Variants in CUL9 observed in about 807,000 individuals in gnomAD.
CUL9 encodes the protein cullin 9, also known as cullin-9.
Under a neutral mutation model 272.6 loss-of-function variants are expected in CUL9, and 79 were observed. The observed-to-expected ratio is 0.29, with a 90% CI of 0.24 to 0.35. The LOEUF (loss-of-function observed/expected upper bound fraction) is 0.35. Ranked by LOEUF, CUL9 falls within the 10% of genes least tolerant of loss-of-function variation. CUL9 has a pLI of 1.00. For missense variants in CUL9, 2,532 were observed against 3,255.6 expected (o/e 0.78, Z 5.41); for synonymous variants, 1,186 against 1,286.5 (o/e 0.92, Z 1.67).
At position 43,200,288 on chromosome 6, in the gene CUL9, C is replaced by A; in HGVS notation, c.3384+132C>A. On this transcript the variant is annotated intron_variant, in intron 14 of 40. Transcript: ENST00000252050. The surrounding 1 kb of genome is among the most constrained non-coding windows in gnomAD (Gnocchi z 4.0). ...AAATCTGGGGCACTTGTTTCCTAACCTTGACTCCACATGGTTCTGTCAAAA... is the reference window on the plus strand; with the variant it reads ...AAATCTGGGGCACTTGTTTCCTAACATTGACTCCACATGGTTCTGTCAAAA... 1.4e-6 allele frequency: 2 copies of A among 1,478,898 alleles called. No homozygotes were observed. The highest frequency in any genetic ancestry group is 1.2e-5 in the South Asian group (1 of 81,594). The allele number at this position is 1,478,898 out of a possible 1,614,324, so 91.6% of individuals were successfully genotyped here. A position where few individuals can be genotyped will look rare whatever the true frequency, so the allele number is the denominator to read the frequency against.
chr6:43,188,115 A>T lies in CUL9; in HGVS notation c.1984A>T (p.Ser662Cys), dbSNP rs755371620. The change falls in exon 7 of 41, where the codon AGT (serine) becomes TGT (cysteine). Residue 662 changes from serine (S) to cysteine (C), a missense_variant. Transcript: ENST00000252050. ...TLPTEMKEAA[S>C]EMARALRGPG... is the part of the protein sequence containing the mutation. ...GCCCACTGAGATGAAGGAGGCAGCCAGTGGTGAGTCAGGTTCTGGGAGGAA... is the reference window on the plus strand; with the variant it reads ...GCCCACTGAGATGAAGGAGGCAGCCTGTGGTGAGTCAGGTTCTGGGAGGAA... 1 of 1,613,610 alleles carries T rather than the reference A, an allele frequency of 6.2e-7. No individual in the cohort carries two copies. Among genetic ancestry groups the T allele is most frequent in the African/African-American group, 1.3e-5 (1 of 74,918 alleles).
In CUL9 at chr6:43,206,617, A is replaced by C. The variant is rs1052002783; in HGVS notation, c.5212+107A>C. ...GGATATAGATGTGAAGAAAAATATCAGCTCCTAGCGAGGGATGAGAAAGCA... is the reference window on the plus strand; with the variant it reads ...GGATATAGATGTGAAGAAAAATATCCGCTCCTAGCGAGGGATGAGAAAGCA... On this transcript the variant is annotated intron_variant, in intron 26 of 40. Coordinates refer to ENST00000252050, the MANE Select transcript of CUL9 (RefSeq NM_015089.4). The surrounding 1 kb of genome is among the most constrained non-coding windows in gnomAD (Gnocchi z 4.8). The C allele has an allele frequency of 2.1e-6, 2 of 974,274 alleles. No homozygotes were observed. The highest frequency in any genetic ancestry group is 3.1e-6 in the Non-Finnish European group (2 of 646,494). The allele number at this position is 974,274 out of a possible 1,614,324, so 60.4% of individuals were successfully genotyped here.
rs896727575 is a variant in CUL9 at position 43,199,299 on chromosome 6, A to G, written c.3084A>G (p.Ala1028=). ...CCCGACTGCTGGATTTCCCTGAGGC[A>G]ATGGTCCTCCCCTGGCACGAGGTCT... is the stretch of plus-strand genomic sequence containing the variant. ...VITRLLDFPE[A]MVLPWHEVLE... The change falls in exon 13 of 41, where the codon GCA becomes GCG. Residue 1028 remains alanine (A), a synonymous_variant. Coordinates refer to ENST00000252050, the MANE Select transcript of CUL9 (RefSeq NM_015089.4). The surrounding 1 kb of genome is among the most constrained non-coding windows in gnomAD (Gnocchi z 4.4). The G allele has an allele frequency of 6.2e-6, 10 of 1,613,418 alleles. No individual in the cohort carries two copies. The highest frequency in any genetic ancestry group is 7.6e-6 in the Non-Finnish European group (9 of 1,179,682).
At chr6:43,219,625 A>G (rs1028279197) in intron 31 of CUL9, among the ~76,000 whole-genome samples, 2 of 152,186 alleles carry the variant, frequency 1.3e-5, no homozygotes, top group African/African-American at 4.8e-5. Context: ...TGCAGCTTTG[A>G]TATCACAGAC....
At chr6:43,193,984 T>C (rs1773762953) in intron 9 of CUL9, among the ~76,000 whole-genome samples, 1 of 152,238 alleles carries the variant, frequency 6.6e-6, no homozygotes, top group East Asian at 1.9e-4. Context: ...TTACTAGATT[T>C]GGGTAAAACA....
Position 43,221,766 on chromosome 6 carries a change from C to T in CUL9, c.6834C>T (p.Asn2278=). Residue 2278 remains asparagine, a synonymous_variant, in exon 35 of 41, where the codon AAC becomes AAT. Transcript: ENST00000252050. This position sits in a 1 kb window ranked among gnomAD's most constrained non-coding sequence, Gnocchi z 4.2. ...SWKPNHKDYY[N]CSAMVSKAAR... ...AGCCAAATCACAAAGACTATTACAA[C>T]TGCTCTGCCATGGTAAGGCGCTGGG... The T allele has an allele frequency of 6.2e-7, 1 of 1,612,580 alleles. No individual in the cohort carries two copies.
chr6:43,203,018 A>C lies in CUL9; in HGVS notation c.3754-91A>C, dbSNP rs188497285. 2 of 1,428,170 alleles carry C rather than the reference A, an allele frequency of 1.4e-6. No homozygotes were observed. The highest frequency in any genetic ancestry group is 1.7e-5 in the Admixed American group (1 of 57,986). 88.5% of individuals were successfully genotyped at this position (1,428,170 alleles called of 1,614,324 possible). A position where few individuals can be genotyped will look rare whatever the true frequency, so the allele number is the denominator to read the frequency against. On this transcript the variant is annotated intron_variant, in intron 17 of 40. Coordinates refer to ENST00000252050, the MANE Select transcript of CUL9 (RefSeq NM_015089.4). This position sits in a 1 kb window ranked among gnomAD's most constrained non-coding sequence, Gnocchi z 5.0. ...GCTCTGCGGGAGAAGTGAAGGGCAC[A>C]CACCATGACCGACTTGGTTACTGTC...
At chr6:43,186,882 C>T (rs1404930962) in intron 4 of CUL9, 78 bp from the exon 5 acceptor site, 1 of 1,549,172 alleles carries the variant, frequency 6.5e-7, no homozygotes, top group Non-Finnish European at 8.8e-7. Flanking sequence ...TGGGCATGTC[C>T]TTTCAAGCCT....
At position 43,213,290 on chromosome 6, in the gene CUL9, C is replaced by G; in HGVS notation, c.5354C>G (p.Thr1785Arg). ...QMWLLLKFNQ[T>R]EEVSVETLLK... is the part of the protein sequence containing the mutation. The stretch of plus-strand genomic sequence containing the variant: ...TGGCTGCTGCTGAAATTCAATCAGA[C>G]AGAGGTGCTTCAGCCCTTAGCCTCT... Residue 1785 changes from threonine (T) to arginine (R), a missense_variant, in exon 27 of 41, where the codon ACA becomes AGA. Physicochemically the swap from Thr to Arg is moderately conservative, Grantham distance 71. Coordinates refer to ENST00000252050, the MANE Select transcript of CUL9 (RefSeq NM_015089.4). The surrounding 1 kb of genome is among the most constrained non-coding windows in gnomAD (Gnocchi z 5.7). 1 of 1,613,842 alleles carries G rather than the reference C, an allele frequency of 6.2e-7. No individual in the cohort carries two copies. Among genetic ancestry groups the G allele is most frequent in the Non-Finnish European group, 8.5e-7 (1 of 1,179,948 alleles).
intron 3 of CUL9, 130 bp from the exon 4 acceptor site, chr6:43,185,825 A>C (rs1180400976): frequency 1.5e-6 from 2 of 1,317,776 alleles, no homozygotes; most frequent in African/African-American, 1.5e-5. Context: ...TTCTTACACA[A>C]ATCAAAGTTT....
At chr6:43,215,453 C>A in intron 30 of CUL9, 127 bp downstream of exon 30, 1 of 1,365,272 alleles carries the variant, frequency 7.3e-7, no homozygotes, top group Non-Finnish European at 9.7e-7. Context: ...CCTGTTATTT[C>A]CCTGACTTTG....
Position 43,223,959 on chromosome 6 carries a change from T to C in CUL9, c.7285-136T>C, listed in dbSNP as rs1234444804. The C allele has an allele frequency of 3.1e-5, 26 of 825,752 alleles. No homozygotes were observed. Among genetic ancestry groups the C allele is most frequent in the Non-Finnish European group, 1.0e-5 (5 of 482,222 alleles). The allele number at this position is 825,752 out of a possible 1,614,324, so 51.2% of individuals were successfully genotyped here. ...GTGGGTGAACTCACAAAGGCAGTGTTTCATGAAGTGCTGTGCTGGGAGGGG... is the reference window on the plus strand; with the variant it reads ...GTGGGTGAACTCACAAAGGCAGTGTCTCATGAAGTGCTGTGCTGGGAGGGG... On this transcript the variant is annotated intron_variant, in intron 39 of 40. Coordinates refer to ENST00000252050, the MANE Select transcript of CUL9 (RefSeq NM_015089.4). The surrounding 1 kb of genome is among the most constrained non-coding windows in gnomAD (Gnocchi z 4.1).
At chr6:43,195,011 C>T (rs1562025188) in intron 9 of CUL9, among the ~76,000 whole-genome samples, 2 of 152,076 alleles carry the variant, frequency 1.3e-5, no homozygotes, top group Non-Finnish European at 2.9e-5. Context: ...GCTGAGATTG[C>T]GCCATTGCAC....
intron 9 of CUL9, among the ~76,000 whole-genome samples, chr6:43,193,526 G>A (rs1191785067): frequency 6.6e-6 from 1 of 152,152 alleles, no homozygotes; most frequent in Admixed American, 6.5e-5. Context: ...AAGCCACTGT[G>A]CCAGGCCAGG....
At chr6:43,182,979 CTT>C (rs1457121331) in intron 1 of CUL9, among the ~76,000 whole-genome samples, 1 of 152,234 alleles carries the variant, frequency 6.6e-6, no homozygotes, top group Non-Finnish European at 1.5e-5. Flanking sequence ...ACTGAACACT[CTT>C]TATGTGCTAG....
At chr6:43,194,213 C>G (rs1483109013) in intron 9 of CUL9, among the ~76,000 whole-genome samples, 3 of 152,180 alleles carry the variant, frequency 2.0e-5, no homozygotes, top group Non-Finnish European at 4.4e-5. Context: ...ATGGCAGCAG[C>G]ATGAACGGGA....
intron 1 of CUL9, among the ~76,000 whole-genome samples, chr6:43,183,368 A>G (rs995294186): frequency 6.6e-6 from 1 of 152,052 alleles, no homozygotes; most frequent in African/African-American, 2.4e-5. Flanking sequence ...TACTTTTCCT[A>G]TCCAGTCATT....
intron 1 of CUL9, among the ~76,000 whole-genome samples, chr6:43,182,663 C>A (rs1331721370): frequency 6.6e-6 from 1 of 151,970 alleles, no homozygotes; most frequent in African/African-American, 2.4e-5. Flanking sequence ...CCAGGCTTGC[C>A]CCCCATCCTA....
At chr6:43,182,540 A>G (rs1259539320) in intron 1 of CUL9, among the ~76,000 whole-genome samples, 1 of 149,016 alleles carries the variant, frequency 6.7e-6, no homozygotes, top group African/African-American at 2.5e-5. Context: ...CCCACACCTC[A>G]GTTTATTGTT....
Sources: allele counts gnomAD v4.1 joint callset (sites outside exome capture counted in the v4.1 genomes callset), GRCh38; gene constraint gnomAD v4.1.1; non-coding constraint Gnocchi (gnomAD v3.1); transcripts MANE v1.5; gene names NCBI Gene and HGNC (gene_info 2026-07-23, HGNC 2026-07-21).